NPEPL1: variants seen among roughly 807,000 people sequenced by gnomAD.
NPEPL1 encodes aminopeptidase like 1.
NPEPL1 carries 45 observed loss-of-function variants against 52.4 expected under a neutral mutation model. That is an observed-to-expected ratio of 0.86 (90% CI 0.68 to 1.10). The LOEUF (loss-of-function observed/expected upper bound fraction) is 1.10. Among genes scored for constraint, NPEPL1 ranks in the 50% least tolerant of loss-of-function variants. The pLI is 0.00. For synonymous variants in NPEPL1, 360 were observed against 314.7 expected (o/e 1.14, Z -1.52); for missense variants, 696 against 710.9 (o/e 0.98, Z 0.24).
intron 6 of NPEPL1, chr20:58,703,884 A>G (rs1422899295): frequency 1.4e-5 from 14 of 985,134 alleles, no homozygotes; most frequent in East Asian, 1.1e-4. Context: ...AAATGCGACT[A>G]TAGCCCCTGC....
intron 4 of NPEPL1, 105 bp downstream of exon 4, chr20:58,698,878 C>A (rs987436800): frequency 1.5e-5 from 14 of 917,088 alleles, no homozygotes; most frequent in Non-Finnish European, 2.2e-5. Context: ...CTGACGTGGC[C>A]AGGGAACCTC....
Position 58,714,204 on chromosome 20 carries a change from G to GC in NPEPL1, c.1302+113dup. 4.8e-6 allele frequency: 6 copies of GC among 1,252,744 alleles called. No homozygotes were observed. In the South Asian group the frequency reaches 8.9e-5, roughly 19 times the overall value. 77.6% of individuals were successfully genotyped at this position (1,252,744 alleles called of 1,614,324 possible). On this transcript the variant is annotated intron_variant, in intron 10 of 11. Coordinates refer to ENST00000356091, the MANE Select transcript of NPEPL1 (RefSeq NM_024663.4). ...AGGGAGCTGGGGCCCCCCAGAAGCA[G>GC]CCACAGTGCAGACGAGGGCTTGAGA...
chr20:58,708,688 G>C (rs2084781457), intron 7 of NPEPL1, among the ~76,000 whole-genome samples: 1 of 152,332 alleles, frequency 6.6e-6, no homozygotes, highest in Admixed American at 6.5e-5. Flanking sequence ...ATAGGCCACG[G>C]GGCAGGGTGG....
At chr20:58,696,988 C>T (rs1010363354) in intron 3 of NPEPL1, among the ~76,000 whole-genome samples, 1 of 152,238 alleles carries the variant, frequency 6.6e-6, no homozygotes, top group African/African-American at 2.4e-5. Context: ...CAGCTTCTCC[C>T]TTTTCTTCCC....
chr20:58,693,253 G>A, intron 1 of NPEPL1: 1 of 219,908 alleles, frequency 4.5e-6, no homozygotes, highest in Non-Finnish European at 7.7e-6. Flanking sequence ...CCGGTGCGGC[G>A]CGGTGGTCCT....
At chr20:58,693,459 C>T in intron 1 of NPEPL1, 2 of 379,746 alleles carry the variant, frequency 5.3e-6, no homozygotes, top group Non-Finnish European at 9.5e-6. Context: ...TGGAAGCCGC[C>T]TAAGCCCTAT....
rs756665312 is a variant in NPEPL1, at chr20:58,715,305, C to T, written c.1551C>T (p.Ser517=). The T allele has an allele frequency of 2.4e-5, 39 of 1,609,880 alleles. No homozygotes were observed. In the South Asian group the frequency reaches 3.9e-4, roughly 16 times the overall value. ...DVEEGDLGRD[S]KRRRLV The stretch of plus-strand genomic sequence containing the variant: ...AGGAGGGGGACCTGGGGAGGGACTC[C>T]AAGAGACGCAGGCTTGTGTGAGCCT... Residue 517 remains serine, a synonymous_variant, in exon 12 of 12, where the codon TCC becomes TCT. Coordinates refer to ENST00000356091, the MANE Select transcript of NPEPL1 (RefSeq NM_024663.4).
intron 4 of NPEPL1, 135 bp from the exon 5 acceptor site, chr20:58,699,062 C>T (rs974506444): frequency 3.3e-5 from 27 of 812,844 alleles, no homozygotes; most frequent in East Asian, 8.0e-5. Flanking sequence ...TCATCACACG[C>T]GAAGCTGGCT....
chr20:58,714,111 A>T lies in NPEPL1; in HGVS notation c.1302+18A>T. On this transcript the variant is annotated intron_variant, in intron 10 of 11. Transcript: ENST00000356091. The stretch of plus-strand genomic sequence containing the variant: ...CAGTGGCGGTAGGTTTGGAGCCTCG[A>T]ACCTGGAGCCTGCCACATGGGTGGA... 6.5e-7 allele frequency: 1 copy of T among 1,529,740 alleles called. No homozygotes were observed. The highest frequency in any genetic ancestry group is 1.4e-5 in the African/African-American group (1 of 71,596). The allele number at this position is 1,529,740 out of a possible 1,614,324, so 94.8% of individuals were successfully genotyped here.
At position 58,693,898 on chromosome 20, in the gene NPEPL1, G is replaced by A. The variant is rs1159283797; in HGVS notation, c.312G>A (p.Pro104=). The A allele has an allele frequency of 3.7e-6, 6 of 1,609,480 alleles. No homozygotes were observed. The highest frequency in any genetic ancestry group is 4.5e-5 in the East Asian group (2 of 44,654). Residue 104 remains proline, a synonymous_variant, in exon 2 of 12, where the codon CCG becomes CCA. Transcript: ENST00000356091. ...CGCGGCTGGTGCGGACCTGCCTGCC[G>A]CCCGGAGCGCATCGCTGCATTGTGG... is the stretch of plus-strand genomic sequence containing the variant. ...FITRLVRTCL[P]PGAHRCIVMV...
chr20:58,713,913 C>G lies in NPEPL1; in HGVS notation c.1126-4C>G. 1 of 1,465,658 alleles carries G rather than the reference C, an allele frequency of 6.8e-7. No homozygotes were observed. The highest frequency in any genetic ancestry group is 9.0e-7 in the Non-Finnish European group (1 of 1,111,792). The allele number at this position is 1,465,658 out of a possible 1,614,324, so 90.8% of individuals were successfully genotyped here. On this transcript the variant is annotated splice_polypyrimidine_tract_variant and splice_region_variant and intron_variant, in intron 9 of 11. Coordinates refer to ENST00000356091, the MANE Select transcript of NPEPL1 (RefSeq NM_024663.4). This position sits in a 1 kb window ranked among gnomAD's most constrained non-coding sequence, Gnocchi z 4.6. The stretch of plus-strand genomic sequence containing the variant: ...ACACGCTTCCCGGGTTCCTGCCCGC[C>G]CAGGGCATTGCCACAGGGAAGTACC...
At position 58,713,961 on chromosome 20, in the gene NPEPL1, C is replaced by T. The variant is rs35104993; in HGVS notation, c.1170C>T (p.Ser390=). 0.096 allele frequency: 145,272 copies of T among 1,518,900 alleles called. 7,312 individuals carry two copies. The highest frequency in any genetic ancestry group is 0.14 in the South Asian group (11,160 of 78,736). 94.1% of individuals were successfully genotyped at this position (1,518,900 alleles called of 1,614,324 possible). ...GKYHAAVLTN[S]AEWEAACVKA... is the part of the protein sequence containing the mutation. ...ACCACGCCGCGGTGCTCACCAACAG[C>T]GCTGAGTGGGAGGCCGCCTGTGTGA... Residue 390 remains serine, a synonymous_variant, in exon 10 of 12, where the codon AGC becomes AGT. Transcript: ENST00000356091. The surrounding 1 kb of genome is among the most constrained non-coding windows in gnomAD (Gnocchi z 4.6).
At chr20:58,706,242 G>A (rs1259708810) in intron 6 of NPEPL1, among the ~76,000 whole-genome samples, 1 of 152,150 alleles carries the variant, frequency 6.6e-6, no homozygotes, top group Non-Finnish European at 1.5e-5. Flanking sequence ...GTGTGAACTA[G>A]CAGGAGGGCA....
At position 58,715,382 on chromosome 20, in the gene NPEPL1, A is replaced by T; in HGVS notation, c.*56A>T. On this transcript the variant is annotated 3_prime_UTR_variant, in exon 12 of 12. Transcript: ENST00000356091. ...TCTTTTACCTCACTTTGCACTGATTAATTTTAAGCAATTGAAAGATTGCCC... is the reference window on the plus strand; with the variant it reads ...TCTTTTACCTCACTTTGCACTGATTTATTTTAAGCAATTGAAAGATTGCCC... 1 of 1,464,372 alleles carries T rather than the reference A, an allele frequency of 6.8e-7. No individual in the cohort carries two copies. The highest frequency in any genetic ancestry group is 9.1e-7 in the Non-Finnish European group (1 of 1,101,904). The allele number at this position is 1,464,372 out of a possible 1,614,324, so 90.7% of individuals were successfully genotyped here. A position where few individuals can be genotyped will look rare whatever the true frequency, so the allele number is the denominator to read the frequency against.
intron 7 of NPEPL1, among the ~76,000 whole-genome samples, chr20:58,711,874 G>A (rs1281480595): frequency 3.3e-5 from 5 of 152,236 alleles, no homozygotes; most frequent in Non-Finnish European, 7.3e-5. Flanking sequence ...ATTCGTCTGC[G>A]GGAGCAGAGG....
chr20:58,715,267 G>C lies in NPEPL1; in HGVS notation c.1513G>C (p.Glu505Gln), dbSNP rs779972546. The change falls in exon 12 of 12, where the codon GAG becomes CAG. Residue 505 changes from glutamate (E) to glutamine (Q), a missense_variant. Coordinates refer to ENST00000356091, the MANE Select transcript of NPEPL1 (RefSeq NM_024663.4). ...LLNLVSPLGC[E>Q]VDVEEGDLGR... ...GAACCTGGTGTCCCCACTGGGCTGT[G>C]AGGTGGATGTCGAGGAGGGGGACCT... 109 of 1,611,314 alleles carry C rather than the reference G, an allele frequency of 6.8e-5. No homozygotes were observed. Among genetic ancestry groups the C allele is most frequent in the Non-Finnish European group, 9.1e-5 (107 of 1,179,390 alleles).
chr20:58,698,857 C>A, intron 4 of NPEPL1, 84 bp downstream of exon 4: 3 of 1,167,084 alleles, frequency 2.6e-6, no homozygotes, highest in Non-Finnish European at 3.7e-6. Context: ...AAACCTGGGG[C>A]TGTCCACACC....
rs372418804 is a variant in NPEPL1 at position 58,698,691 on chromosome 20, C to G, written c.515C>G (p.Ala172Gly). The change falls in exon 4 of 12, where the codon GCG (alanine) becomes GGG (glycine). Residue 172 changes from alanine (A) to glycine (G), a missense_variant. By Grantham distance (60) the Ala-to-Gly change is moderately conservative. Coordinates refer to ENST00000356091, the MANE Select transcript of NPEPL1 (RefSeq NM_024663.4). Reference sequence around the variant, plus strand: ...TGGCCTTTTTCTCCCTAGTGCTTAGCGAATGCCACAGACGGCGTGCGGCTA... The same window carrying G: ...TGGCCTTTTTCTCCCTAGTGCTTAGGGAATGCCACAGACGGCGTGCGGCTA... ...PVEVSTLQCL[A>G]NATDGVRLAA... The G allele has an allele frequency of 6.8e-6, 11 of 1,612,508 alleles. No individual in the cohort carries two copies. The highest frequency in any genetic ancestry group is 2.2e-5 in the South Asian group (2 of 91,078).
chr20:58,696,672 G>T (rs1367838908), intron 3 of NPEPL1, among the ~76,000 whole-genome samples: 1 of 152,250 alleles, frequency 6.6e-6, no homozygotes, highest in African/African-American at 2.4e-5. Flanking sequence ...GCCACAGATG[G>T]CCTCCTTCCA....
Sources: gnomAD v4.1 joint callset for allele counts (sites outside exome capture counted in the v4.1 genomes callset) on GRCh38, gnomAD v4.1.1 for gene constraint, Gnocchi (gnomAD v3.1) non-coding constraint, MANE v1.5 for transcripts, NCBI Gene and HGNC (gene_info 2026-07-23, HGNC 2026-07-21) for gene names.